The following TECPR2 variants were observed in gnomAD, a reference collection of about 807,000 sequenced individuals.
The protein encoded by TECPR2 is tectonin beta-propeller repeat containing 2, also known as tectonin beta-propeller repeat-containing protein 2.
A neutral mutation model predicts 138.1 loss-of-function variants in TECPR2; 65 were observed. That is an observed-to-expected ratio of 0.47 (90% CI 0.39 to 0.58). The LOEUF is 0.58. TECPR2 is among the 20% of genes least tolerant of loss of function. The pLI, the probability that TECPR2 is intolerant of heterozygous loss-of-function variation, is 0.00. For missense variants in TECPR2, 1,553 were observed against 1,824.5 expected, an observed-to-expected ratio of 0.85 and a Z score of 2.71; for synonymous variants, 746 against 749.8, an observed-to-expected ratio of 0.99 and a Z score of 0.08.
Position 102,434,473 on chromosome 14 carries a change from G to A in TECPR2, c.1656G>A (p.Val552=), listed in dbSNP as rs752508795. ...CCGAAACGTTTAATGTCCTGGAGGTGTCAGGATCAATGCCTGATTCTCTGG... is the reference window on the plus strand; with the variant it reads ...CCGAAACGTTTAATGTCCTGGAGGTATCAGGATCAATGCCTGATTCTCTGG... ...TDPETFNVLE[V]SGSMPDSLAE... The change falls in exon 9 of 20, where the codon GTG becomes GTA. Residue 552 remains valine (V), a synonymous_variant. Coordinates refer to ENST00000359520, the MANE Select transcript of TECPR2 (RefSeq NM_014844.5). The A allele has an allele frequency of 1.3e-6, 2 of 1,556,450 alleles. No homozygotes were observed. Among genetic ancestry groups the A allele is most frequent in the Non-Finnish European group, 1.7e-6 (2 of 1,152,888 alleles).
intron 2 of TECPR2, among the ~76,000 whole-genome samples, chr14:102,398,407 G>C (rs1268140161): frequency 6.6e-6 from 1 of 152,228 alleles, no homozygotes; most frequent in Non-Finnish European, 1.5e-5. Flanking sequence ...GAAATGAAAG[G>C]GGGAGAGAGA....
chr14:102,443,486 A>C lies in TECPR2; in HGVS notation c.2753-161A>C, dbSNP rs946999368. On this transcript the variant is annotated intron_variant, in intron 11 of 19. Coordinates refer to ENST00000359520, the MANE Select transcript of TECPR2 (RefSeq NM_014844.5). The surrounding 1 kb of genome is among the most constrained non-coding windows in gnomAD (Gnocchi z 4.9). Reference sequence around the variant, plus strand: ...GGCAACGTAGAAAGGCCCCGTCTATATTTTTAATTAATTAATTAATTAAAG... The same window carrying C: ...GGCAACGTAGAAAGGCCCCGTCTATCTTTTTAATTAATTAATTAATTAAAG... Among the ~76,000 whole-genome samples, 24 of 151,960 alleles carry C rather than the reference A, an allele frequency of 1.6e-4. No homozygotes were observed. Among genetic ancestry groups the C allele is most frequent in the African/African-American group, 5.6e-4 (23 of 41,326 alleles).
chr14:102,431,575 C>G (rs191591187), intron 7 of TECPR2, among the ~76,000 whole-genome samples: 1 of 152,132 alleles, frequency 6.6e-6, no homozygotes, highest in African/African-American at 2.4e-5. Flanking sequence ...ATCTCCTGAC[C>G]TTGTGATCCG....
chr14:102,387,320 A>C (rs1285206677), intron 2 of TECPR2, among the ~76,000 whole-genome samples: 1 of 152,174 alleles, frequency 6.6e-6, no homozygotes, highest in Non-Finnish European at 1.5e-5. Flanking sequence ...CTAGTGCCAA[A>C]AGCACTGAGA....
intron 16 of TECPR2, among the ~76,000 whole-genome samples, chr14:102,454,717 G>A (rs967255136): frequency 1.3e-5 from 2 of 152,244 alleles, no homozygotes; most frequent in African/African-American, 4.8e-5. Context: ...TTCCCTCTGA[G>A]GGTAAAAAGT....
At chr14:102,418,893 A>G (rs111772580) in intron 5 of TECPR2, among the ~76,000 whole-genome samples, 185 of 152,272 alleles carry the variant, frequency 1.2e-3, no homozygotes, top group Admixed American at 4.6e-3. Flanking sequence ...TCTGTGGTCT[A>G]TGCAGCTGGG....
intron 1 of TECPR2, among the ~76,000 whole-genome samples, chr14:102,370,196 T>C (rs1597759230): frequency 6.6e-6 from 1 of 152,076 alleles, no homozygotes; most frequent in East Asian, 2.0e-4. Context: ...CTCAGCCTCC[T>C]GAGTAGCTGA....
In TECPR2 at chr14:102,411,699, CAAAAAAAAAAAAA is replaced by C. The variant is rs1173849759; in HGVS notation, c.481-2917_481-2905del. ...AGGTGAAATAAACAGCCATGTTGCTCAAAAAAAAAAAAAAAAAAAAAAAAAAAAAAAAGAAGAT... is the reference window on the plus strand; with the variant it reads ...AGGTGAAATAAACAGCCATGTTGCTCAAAAAAAAAAAAAAAAAAAGAAGAT... On this transcript the variant is annotated intron_variant, in intron 4 of 19. Coordinates refer to ENST00000359520, the MANE Select transcript of TECPR2 (RefSeq NM_014844.5). Among the ~76,000 whole-genome samples, 23 of 46,862 alleles carry C rather than the reference CAAAAAAAAAAAAA, an allele frequency of 4.9e-4. 1 individual carries two copies. Among genetic ancestry groups the C allele is most frequent in the African/African-American group, 1.3e-3 (10 of 7,806 alleles). 30.7% of individuals were successfully genotyped at this position (46,862 alleles called of 152,430 possible).
intron 16 of TECPR2, among the ~76,000 whole-genome samples, chr14:102,462,993 C>T (rs957048006): frequency 2.6e-5 from 4 of 152,188 alleles, no homozygotes; most frequent in Non-Finnish European, 4.4e-5. Flanking sequence ...ATTAAAGCCA[C>T]GACATGATAC....
intron 4 of TECPR2, among the ~76,000 whole-genome samples, chr14:102,413,188 G>A (rs1372970775): frequency 6.6e-6 from 1 of 151,902 alleles, no homozygotes; most frequent in East Asian, 1.9e-4. Flanking sequence ...AAAATTCATA[G>A]AATTGTATAC....
chr14:102,433,976 G>C (rs1236168903), intron 8 of TECPR2, among the ~76,000 whole-genome samples: 1 of 152,134 alleles, frequency 6.6e-6, no homozygotes, highest in Non-Finnish European at 1.5e-5. Flanking sequence ...TAAGGAATTG[G>C]TTTGTGACCC....
intron 4 of TECPR2, 58 bp downstream of exon 4, chr14:102,408,677 T>C: frequency 6.7e-7 from 1 of 1,500,438 alleles, no homozygotes; most frequent in Non-Finnish European, 9.0e-7. Flanking sequence ...GGAAAAACTA[T>C]ATTTATAACT....
At chr14:102,384,047 G>A (rs1473295957) in intron 2 of TECPR2, among the ~76,000 whole-genome samples, 2 of 151,160 alleles carry the variant, frequency 1.3e-5, no homozygotes, top group African/African-American at 4.9e-5. Context: ...AATCTCCTGA[G>A]TAGCTGGGAT....
At chr14:102,430,151 G>A (rs1889429310) in intron 7 of TECPR2, among the ~76,000 whole-genome samples, 1 of 151,928 alleles carries the variant, frequency 6.6e-6, no homozygotes, top group African/African-American at 2.4e-5. Context: ...TATTTTAGTA[G>A]AAAGGGGGTT....
intron 1 of TECPR2, among the ~76,000 whole-genome samples, chr14:102,365,274 A>G (rs1409268993): frequency 2.0e-5 from 3 of 152,252 alleles, no homozygotes; most frequent in African/African-American, 7.2e-5. Context: ...AAAACAGATA[A>G]TGATGGTGCT....
chr14:102,431,871 C>CA lies in TECPR2; in HGVS notation c.1161dup (p.Val388SerfsTer3). 1 of 1,603,860 alleles carries CA rather than the reference C, an allele frequency of 6.2e-7. No homozygotes were observed. The highest frequency in any genetic ancestry group is 8.5e-7 in the Non-Finnish European group (1 of 1,171,542). On this transcript the variant is annotated frameshift_variant, in exon 8 of 20. Transcript: ENST00000359520. LOFTEE classifies it high-confidence loss of function. ...CAAGCGGAGAAGCTGCCAGGGGCCA[C>CA]AGTTTCTGAGACGAGGCTCAGAGGC...
intron 17 of TECPR2, among the ~76,000 whole-genome samples, chr14:102,478,146 A>C (rs531974659): frequency 6.6e-6 from 1 of 151,650 alleles, no homozygotes; most frequent in African/African-American, 2.4e-5. Context: ...TCCTGGGTCA[A>C]GCCATCCTCC....
intron 4 of TECPR2, among the ~76,000 whole-genome samples, chr14:102,414,303 G>A (rs959844915): frequency 1.3e-5 from 2 of 152,142 alleles, no homozygotes; most frequent in Non-Finnish European, 2.9e-5. Flanking sequence ...TGAACTCTCT[G>A]CATGTTTACT....
In TECPR2 at chr14:102,500,793, G is replaced by A. The variant is rs1891420323; in HGVS notation, c.*2536G>A. ...TTCAAATCCCCACTGGGATTGTTTT[G>A]TTGGGGCAGGCAGGGAGGAATAATG... On this transcript the variant is annotated 3_prime_UTR_variant, in exon 20 of 20. Transcript: ENST00000359520. 1 of 152,280 alleles carries A rather than the reference G, an allele frequency of 6.6e-6. No homozygotes were observed. Among genetic ancestry groups the A allele is most frequent in the Non-Finnish European group, 1.5e-5 (1 of 68,060 alleles). 9.4% of individuals were successfully genotyped at this position (152,280 alleles called of 1,614,324 possible).
Sources: allele counts gnomAD v4.1 joint callset (sites outside exome capture counted in the v4.1 genomes callset), GRCh38; gene constraint gnomAD v4.1.1; non-coding constraint Gnocchi (gnomAD v3.1); transcripts MANE v1.5; gene names NCBI Gene and HGNC (gene_info 2026-07-23, HGNC 2026-07-21).